PRKCE: variants seen among roughly 807,000 people sequenced by gnomAD.
The protein encoded by PRKCE is protein kinase C epsilon.
A neutral mutation model predicts 85.4 loss-of-function variants in PRKCE; 16 were observed. That is an observed-to-expected ratio of 0.19 (90% CI 0.13 to 0.28). The LOEUF (loss-of-function observed/expected upper bound fraction) is 0.28. Ranked by LOEUF, PRKCE falls within the 10% of genes least tolerant of loss-of-function variation. PRKCE has a pLI of 1.00. For missense variants in PRKCE, 573 were observed against 975.2 expected (o/e 0.59, Z 5.49); for synonymous variants, 388 against 371.5 (o/e 1.04, Z -0.51).
chr2:45,809,214 A>AAG (rs1227145740), intron 1 of PRKCE, among the ~76,000 whole-genome samples: 1 of 152,188 alleles, frequency 6.6e-6, no homozygotes, highest in East Asian at 1.9e-4. Context: ...TCCCAGGAAC[A>AAG]AGAGGGGTAT....
At chr2:45,872,241 G>A (rs1694152772) in intron 2 of PRKCE, among the ~76,000 whole-genome samples, 1 of 152,200 alleles carries the variant, frequency 6.6e-6, no homozygotes, top group East Asian at 1.9e-4. Flanking sequence ...AGTCAGCCAT[G>A]CAGGAATGAA....
At chr2:45,737,741 C>T (rs956209400) in intron 1 of PRKCE, among the ~76,000 whole-genome samples, 7 of 151,994 alleles carry the variant, frequency 4.6e-5, no homozygotes, top group African/African-American at 1.7e-4. Context: ...TTGCTCTGTC[C>T]ACAGAGCTTG....
At chr2:45,992,385 A>G (rs912673959) in intron 6 of PRKCE, among the ~76,000 whole-genome samples, 7 of 152,088 alleles carry the variant, frequency 4.6e-5, no homozygotes, top group Non-Finnish European at 8.8e-5. Flanking sequence ...GGACTCCAAA[A>G]TCTCTTTCTG....
At chr2:46,123,823 G>A (rs1424877335) in intron 11 of PRKCE, among the ~76,000 whole-genome samples, 1 of 152,172 alleles carries the variant, frequency 6.6e-6, no homozygotes, top group African/African-American at 2.4e-5. Flanking sequence ...TCAGCTCTCA[G>A]AAGTTTGGTG....
chr2:46,015,704 A>AC (rs1383528128), intron 10 of PRKCE, among the ~76,000 whole-genome samples: 13 of 151,938 alleles, frequency 8.6e-5, no homozygotes, highest in African/African-American at 2.4e-4. Context: ...AAAAAAAAAA[A>AC]AAAAAAAAAC....
At chr2:46,149,949 C>T (rs998547189) in intron 12 of PRKCE, among the ~76,000 whole-genome samples, 28 of 151,710 alleles carry the variant, frequency 1.8e-4, no homozygotes, top group African/African-American at 3.4e-4. Context: ...CTCAAACTCC[C>T]GGGCTCAAGT....
chr2:45,976,696 G>A (rs565249939), intron 3 of PRKCE, 108 bp downstream of exon 3: 68 of 1,313,742 alleles, frequency 5.2e-5, no homozygotes, highest in Middle Eastern at 3.9e-4. Flanking sequence ...GGTGTGCCTC[G>A]TTTCTTCCTT....
chr2:46,143,704 G>C (rs779001073), intron 11 of PRKCE, among the ~76,000 whole-genome samples: 2 of 152,200 alleles, frequency 1.3e-5, no homozygotes, highest in Admixed American at 6.5e-5. Context: ...TGGCCAGGGT[G>C]GGGGTGGGAG....
At chr2:45,764,916 C>T (rs1337028314) in intron 1 of PRKCE, among the ~76,000 whole-genome samples, 3 of 152,288 alleles carry the variant, frequency 2.0e-5, no homozygotes, top group East Asian at 1.9e-4. Context: ...ACTTGAATGC[C>T]TTAGAGACAA....
chr2:46,072,444 TG>T (rs1159978125), intron 10 of PRKCE, among the ~76,000 whole-genome samples: 1 of 152,252 alleles, frequency 6.6e-6, no homozygotes, highest in Non-Finnish European at 1.5e-5. Context: ...ATGGTTTACT[TG>T]GTTCTGGGCA....
chr2:45,805,477 G>A (rs921862968), intron 1 of PRKCE, among the ~76,000 whole-genome samples: 10 of 152,240 alleles, frequency 6.6e-5, no homozygotes, highest in African/African-American at 1.9e-4. Flanking sequence ...TGACTCTCTA[G>A]GCCATGACTC....
Position 46,155,374 on chromosome 2 carries a change from C to G in PRKCE, c.1920+4145C>G, listed in dbSNP as rs893103489. On this transcript the variant is annotated intron_variant, in intron 13 of 14. Transcript: ENST00000306156. The surrounding 1 kb of genome is among the most constrained non-coding windows in gnomAD (Gnocchi z 4.7). Reference sequence around the variant, plus strand: ...CTGGTGTCACTCGCGGGCCCCTGTTCGGCTCCTTCATGAATGGATTCTGGT... The same window carrying G: ...CTGGTGTCACTCGCGGGCCCCTGTTGGGCTCCTTCATGAATGGATTCTGGT... Among the ~76,000 whole-genome samples the G allele has an allele frequency of 1.3e-5, 2 of 152,078 alleles. No homozygotes were observed. The highest frequency in any genetic ancestry group is 2.9e-5 in the Non-Finnish European group (2 of 67,998).
intron 2 of PRKCE, among the ~76,000 whole-genome samples, chr2:45,844,547 G>T (rs1424700251): frequency 6.6e-6 from 1 of 152,200 alleles, no homozygotes; most frequent in Non-Finnish European, 1.5e-5. Flanking sequence ...CCTTGTCCTT[G>T]CTTTTAACAT....
At chr2:45,846,123 G>A (rs757925018) in intron 2 of PRKCE, among the ~76,000 whole-genome samples, 1 of 152,074 alleles carries the variant, frequency 6.6e-6, no homozygotes, top group Non-Finnish European at 1.5e-5. Context: ...TTCTGGTAAG[G>A]GTGGCTCTCC....
intron 5 of PRKCE, among the ~76,000 whole-genome samples, chr2:45,984,098 C>T (rs189535179): frequency 6.6e-5 from 10 of 151,972 alleles, no homozygotes; most frequent in Admixed American, 2.6e-4. Context: ...CCACCATGCC[C>T]GGCTAATTTT....
At chr2:45,698,263 T>G (rs573648285) in intron 1 of PRKCE, among the ~76,000 whole-genome samples, 6 of 152,310 alleles carry the variant, frequency 3.9e-5, no homozygotes, top group African/African-American at 1.2e-4. Context: ...GGTAGGTGAA[T>G]TTGGTGGAAT....
chr2:46,047,152 T>C (rs995673905), intron 10 of PRKCE, among the ~76,000 whole-genome samples: 1 of 152,196 alleles, frequency 6.6e-6, no homozygotes, highest in Non-Finnish European at 1.5e-5. Flanking sequence ...TTATCCCTAC[T>C]TAGAGAAGTT....
intron 2 of PRKCE, among the ~76,000 whole-genome samples, chr2:45,877,016 T>A (rs1694528171): frequency 6.6e-6 from 1 of 152,234 alleles, no homozygotes; most frequent in Non-Finnish European, 1.5e-5. Flanking sequence ...TGCCTACTTA[T>A]AAAATTAAAG....
intron 1 of PRKCE, among the ~76,000 whole-genome samples, chr2:45,663,155 G>A (rs1249675546): frequency 6.6e-6 from 1 of 152,190 alleles, no homozygotes; most frequent in East Asian, 1.9e-4. Context: ...ATCGCAAAGC[G>A]AGTTGTACAC....
Sources: gnomAD v4.1 joint callset for allele counts (sites outside exome capture counted in the v4.1 genomes callset) on GRCh38, gnomAD v4.1.1 for gene constraint, Gnocchi (gnomAD v3.1) non-coding constraint, MANE v1.5 for transcripts, NCBI Gene and HGNC (gene_info 2026-07-23, HGNC 2026-07-21) for gene names.